Variants in MTHFD1L observed in about 807,000 individuals in gnomAD.
MTHFD1L encodes methylenetetrahydrofolate dehydrogenase (NADP+ dependent) 1 like.
A neutral mutation model predicts 119.5 loss-of-function variants in MTHFD1L; 81 were observed. The observed-to-expected ratio is 0.68, with a 90% CI of 0.57 to 0.82. MTHFD1L has a LOEUF of 0.82. Ranked by LOEUF, MTHFD1L falls within the 40% of genes least tolerant of loss-of-function variation. The pLI is 0.00. For missense variants in MTHFD1L, 1,125 were observed against 1,253.4 expected (o/e 0.90, Z 1.55); for synonymous variants, 430 against 475.2 (o/e 0.90, Z 1.24).
chr6:150,905,143 C>T (rs1401765800), intron 7 of MTHFD1L, among the ~76,000 whole-genome samples: 2 of 147,030 alleles, frequency 1.4e-5, no homozygotes, highest in Admixed American at 7.0e-5. Context: ...AAGTGATTCT[C>T]GTGCTGTAGC....
intron 26 of MTHFD1L, among the ~76,000 whole-genome samples, chr6:151,047,689 T>C (rs1788311620): frequency 6.6e-6 from 1 of 152,156 alleles, no homozygotes; most frequent in Non-Finnish European, 1.5e-5. Flanking sequence ...TTGTAGAGTG[T>C]AGGACCCATG....
chr6:150,882,931 T>C, intron 5 of MTHFD1L, 45 bp downstream of exon 5: 1 of 1,502,644 alleles, frequency 6.7e-7, no homozygotes, highest in Non-Finnish European at 8.9e-7. Context: ...GCTAAATCAC[T>C]TTTTCTATTG....
chr6:151,027,086 C>T (rs1197403049), intron 24 of MTHFD1L, among the ~76,000 whole-genome samples: 2 of 152,058 alleles, frequency 1.3e-5, no homozygotes, highest in South Asian at 4.2e-4. Flanking sequence ...ACCTTGGCCT[C>T]CCAAAGTGCT....
At chr6:151,078,049 T>A (rs1354391222) in intron 26 of MTHFD1L, among the ~76,000 whole-genome samples, 8 of 16,576 alleles carry the variant, frequency 4.8e-4, no homozygotes, top group South Asian at 6.1e-3. Context: ...CAAGACTCTG[T>A]CTCAAAAAAA....
chr6:151,085,772 A>G (rs1301423398), intron 26 of MTHFD1L, among the ~76,000 whole-genome samples: 3 of 8,596 alleles, frequency 3.5e-4, no homozygotes, highest in Non-Finnish European at 7.4e-4. Flanking sequence ...CTCTGTCTCA[A>G]AAAAAAAAAC....
chr6:150,867,522 G>A (rs1175487994), intron 1 of MTHFD1L, among the ~76,000 whole-genome samples: 1 of 152,180 alleles, frequency 6.6e-6, no homozygotes, highest in African/African-American at 2.4e-5. Flanking sequence ...TTACCGGTTA[G>A]AGTCTGAAGC....
intron 11 of MTHFD1L, among the ~76,000 whole-genome samples, chr6:150,928,142 T>C (rs1159684433): frequency 6.6e-6 from 1 of 151,980 alleles, no homozygotes; most frequent in African/African-American, 2.4e-5. Context: ...AGCAAAAATA[T>C]TATCCAAAAC....
intron 26 of MTHFD1L, among the ~76,000 whole-genome samples, chr6:151,049,109 A>G (rs951906350): frequency 2.0e-4 from 30 of 152,274 alleles, no homozygotes; most frequent in African/African-American, 6.0e-4. Context: ...TAATGCCAAC[A>G]CTTTGGGAGA....
At chr6:151,077,703 T>G (rs1792679654) in intron 26 of MTHFD1L, among the ~76,000 whole-genome samples, 1 of 146,850 alleles carries the variant, frequency 6.8e-6, no homozygotes, top group Admixed American at 6.8e-5. Context: ...TAAATAAAAG[T>G]TATCAAAAAA....
At chr6:150,869,686 A>G (rs781078621) in intron 1 of MTHFD1L, among the ~76,000 whole-genome samples, 1 of 151,994 alleles carries the variant, frequency 6.6e-6, no homozygotes, top group African/African-American at 2.4e-5. Flanking sequence ...AGTTATGTGC[A>G]TGGTTTACTG....
At chr6:150,932,084 C>A (rs1328515206) in intron 11 of MTHFD1L, among the ~76,000 whole-genome samples, 2 of 143,860 alleles carry the variant, frequency 1.4e-5, no homozygotes, top group Non-Finnish European at 3.0e-5. Context: ...ATTGCTTGAG[C>A]CCGGGAGGTG....
chr6:151,028,509 C>T (rs1016938718), intron 24 of MTHFD1L, among the ~76,000 whole-genome samples: 1 of 152,038 alleles, frequency 6.6e-6, no homozygotes, highest in African/African-American at 2.4e-5. Context: ...TCCTATCACA[C>T]GGATGAACCT....
intron 10 of MTHFD1L, among the ~76,000 whole-genome samples, chr6:150,922,739 G>A (rs1399060247): frequency 3.4e-5 from 5 of 149,030 alleles, no homozygotes; most frequent in African/African-American, 7.4e-5. Flanking sequence ...TACCTCCCAG[G>A]TTCAAGCGAT....
At chr6:151,091,744 G>T (rs925097807) in intron 26 of MTHFD1L, among the ~76,000 whole-genome samples, 9 of 152,174 alleles carry the variant, frequency 5.9e-5, no homozygotes, top group South Asian at 4.2e-4. Flanking sequence ...TGGCTGTGGC[G>T]GTATGGTAGT....
At chr6:150,936,676 C>T (rs544405651) in intron 11 of MTHFD1L, 128 bp from the exon 12 acceptor site, 57 of 1,152,680 alleles carry the variant, frequency 4.9e-5, no homozygotes, top group Admixed American at 3.6e-4. Context: ...CATAATAGCC[C>T]GAGAAAATTA....
chr6:150,998,518 A>G (rs746515746), intron 20 of MTHFD1L, among the ~76,000 whole-genome samples: 3 of 151,744 alleles, frequency 2.0e-5, no homozygotes, highest in Admixed American at 6.6e-5. Context: ...ACACAGGTTA[A>G]GCATCCCTAA....
chr6:151,093,495 A>G (rs1167885658), intron 27 of MTHFD1L, among the ~76,000 whole-genome samples: 2 of 151,982 alleles, frequency 1.3e-5, no homozygotes, highest in African/African-American at 4.8e-5. Flanking sequence ...CGTCTCTACT[A>G]AAAATACGAA....
In MTHFD1L at chr6:150,866,850, C is replaced by T. The variant is rs533375230; in HGVS notation, c.227+801C>T. On this transcript the variant is annotated intron_variant, in intron 1 of 27. Transcript: ENST00000367321. ...CCTTCCCCGCCCTCGCCCAGAGGGGCGCACGGGTCTCGGGCCTTGCAGGGC... is the reference window on the plus strand; with the variant it reads ...CCTTCCCCGCCCTCGCCCAGAGGGGTGCACGGGTCTCGGGCCTTGCAGGGC... Among the ~76,000 whole-genome samples, 90 of 152,296 alleles carry T rather than the reference C, an allele frequency of 5.9e-4. 1 individual carries two copies. Among genetic ancestry groups the T allele is most frequent in the African/African-American group, 2.0e-3 (84 of 41,576 alleles).
intron 7 of MTHFD1L, among the ~76,000 whole-genome samples, chr6:150,889,374 A>G (rs888785356): frequency 3.9e-5 from 6 of 152,314 alleles, no homozygotes; most frequent in Middle Eastern, 3.4e-3. Flanking sequence ...TTGGCGTTGG[A>G]AGGATAGCTT....
Sources: gnomAD v4.1 joint callset for allele counts (sites outside exome capture counted in the v4.1 genomes callset) on GRCh38, gnomAD v4.1.1 for gene constraint, MANE v1.5 for transcripts, NCBI Gene and HGNC (gene_info 2026-07-23, HGNC 2026-07-21) for gene names.